GLP1R: variants seen among roughly 807,000 people sequenced by gnomAD.
GLP1R encodes glucagon like peptide 1 receptor.
A neutral mutation model predicts 68.4 loss-of-function variants in GLP1R; 32 were observed. The observed-to-expected ratio is 0.47, with a 90% CI of 0.35 to 0.63. The LOEUF (loss-of-function observed/expected upper bound fraction) is 0.63. Ranked by LOEUF, GLP1R falls within the 20% of genes least tolerant of loss-of-function variation. The pLI, the probability that GLP1R is intolerant of heterozygous loss-of-function variation, is 0.00. For missense variants in GLP1R, 502 were observed against 594.9 expected (o/e 0.84, Z 1.62); for synonymous variants, 263 against 244.4 (o/e 1.08, Z -0.71).
chr6:39,072,743 C>A, intron 5 of GLP1R, 119 bp from the exon 6 acceptor site: 1 of 813,574 alleles, frequency 1.2e-6, no homozygotes, highest in Non-Finnish European at 2.0e-6. Context: ...TAGAAGAAGA[C>A]ACACGCACAG....
At position 39,080,634 on chromosome 6, in the gene GLP1R, C is replaced by A; in HGVS notation, c.1183-64C>A. The A allele has an allele frequency of 4.3e-6, 5 of 1,156,884 alleles. 1 individual carries two copies. The South Asian group carries it at 5.6e-5, about 13-fold the overall frequency. The allele number at this position is 1,156,884 out of a possible 1,614,324, so 71.7% of individuals were successfully genotyped here. On this transcript the variant is annotated intron_variant, in intron 11 of 12. Coordinates refer to ENST00000373256, the MANE Select transcript of GLP1R (RefSeq NM_002062.5). ...GATGGAGTCCCAAAGTGCTTCCGAC[C>A]AGGGCCAGTCTGCAGGGCACCTCCC...
chr6:39,065,869 C>CA, intron 4 of GLP1R, 40 bp downstream of exon 4: 1 of 1,259,386 alleles, frequency 7.9e-7, no homozygotes, highest in Non-Finnish European at 1.2e-6. Flanking sequence ...AGCGGGGAGC[C>CA]ATGTCTTGGA....
chr6:39,051,900 G>T (rs948955682), intron 1 of GLP1R, among the ~76,000 whole-genome samples: 28 of 150,630 alleles, frequency 1.9e-4, no homozygotes, highest in East Asian at 2.0e-4. Context: ...TGTGTGGGGG[G>T]GGGGGCATCT....
intron 5 of GLP1R, among the ~76,000 whole-genome samples, 172 bp from the exon 6 acceptor site, chr6:39,072,690 T>G (rs1220615434): frequency 6.6e-6 from 1 of 152,086 alleles, no homozygotes; most frequent in Non-Finnish European, 1.5e-5. Context: ...GGATTTGAGT[T>G]GGACAGAAGG....
At chr6:39,074,410 T>C (rs1768759924) in intron 7 of GLP1R, 1 of 151,964 alleles carries the variant, frequency 6.6e-6, no homozygotes, top group Admixed American at 6.5e-5. Flanking sequence ...CCACGTGGGA[T>C]TGTAATGAGG....
chr6:39,071,831 A>G (rs964177762), intron 5 of GLP1R, among the ~76,000 whole-genome samples: 2 of 152,186 alleles, frequency 1.3e-5, no homozygotes, highest in African/African-American at 4.8e-5. Flanking sequence ...ATAAGGTAGA[A>G]TTTTTATGAA....
intron 12 of GLP1R, among the ~76,000 whole-genome samples, chr6:39,082,343 T>G (rs1769028202): frequency 6.6e-6 from 1 of 152,144 alleles, no homozygotes; most frequent in African/African-American, 2.4e-5. Context: ...CAAAATGAAA[T>G]GAGTAGCCTA....
chr6:39,066,016 A>C (rs900542477), intron 4 of GLP1R, among the ~76,000 whole-genome samples, 181 bp from the exon 5 acceptor site: 2 of 152,228 alleles, frequency 1.3e-5, no homozygotes, highest in African/African-American at 4.8e-5. Flanking sequence ...TGGCCTTGGA[A>C]CAGGGCCCAA....
chr6:39,068,053 C>T (rs568757191), intron 5 of GLP1R, among the ~76,000 whole-genome samples: 61 of 151,730 alleles, frequency 4.0e-4, no homozygotes, highest in Non-Finnish European at 5.0e-4. Flanking sequence ...CCAGCCTGAC[C>T]GATGTAAGAG....
At position 39,086,040 on chromosome 6, in the gene GLP1R, G is replaced by A; in HGVS notation, c.1359G>A (p.Met453Ile). Residue 453 changes from methionine (M) to isoleucine (I), a missense_variant, in exon 13 of 13, where the codon ATG becomes ATA. Met to Ile is a conservative substitution (Grantham distance 10). Transcript: ENST00000373256. The surrounding 1 kb of genome is among the most constrained non-coding windows in gnomAD (Gnocchi z 4.5). ...GTGGAGCCACGGCGGGCAGCAGCAT[G>A]TACACAGCCACTTGCCAGGCCTCCT... ...LSSGATAGSS[M>I]YTATCQASCS 1 of 1,613,994 alleles carries A rather than the reference G, an allele frequency of 6.2e-7. No homozygotes were observed. Among genetic ancestry groups the A allele is most frequent in the Non-Finnish European group, 8.5e-7 (1 of 1,179,944 alleles).
At chr6:39,051,207 G>A (rs1456114942) in intron 1 of GLP1R, among the ~76,000 whole-genome samples, 2 of 152,104 alleles carry the variant, frequency 1.3e-5, no homozygotes, top group East Asian at 3.9e-4. Context: ...ATCTGGAGTT[G>A]GACACTTGGT....
At chr6:39,054,445 G>T (rs1768163742) in intron 1 of GLP1R, among the ~76,000 whole-genome samples, 1 of 152,050 alleles carries the variant, frequency 6.6e-6, no homozygotes, top group Non-Finnish European at 1.5e-5. Flanking sequence ...TCACCTAAGG[G>T]GGAGCCACAG....
At chr6:39,054,231 A>G (rs1159548135) in intron 1 of GLP1R, among the ~76,000 whole-genome samples, 2 of 151,810 alleles carry the variant, frequency 1.3e-5, no homozygotes, top group Non-Finnish European at 2.9e-5. Flanking sequence ...AGTCACCTTT[A>G]TACTCCCTGC....
Sources: allele counts gnomAD v4.1 joint callset (sites outside exome capture counted in the v4.1 genomes callset), GRCh38; gene constraint gnomAD v4.1.1; non-coding constraint Gnocchi (gnomAD v3.1); transcripts MANE v1.5; gene names NCBI Gene and HGNC (gene_info 2026-07-23, HGNC 2026-07-21).